The following MARK3 variants were observed in gnomAD, a reference collection of about 807,000 sequenced individuals.
MARK3 encodes microtubule affinity regulating kinase 3, also known as MAP/microtubule affinity-regulating kinase 3.
In MARK3, 46 loss-of-function variants were observed where a neutral mutation model predicts 90.1. That is an observed-to-expected ratio of 0.51 (90% CI 0.40 to 0.65). The LOEUF is 0.65. Among genes scored for constraint, MARK3 ranks in the 30% least tolerant of loss-of-function variants. The pLI, the probability that MARK3 is intolerant of heterozygous loss-of-function variation, is 0.00. For synonymous variants in MARK3, 321 were observed against 332.6 expected (o/e 0.97, Z 0.38); for missense variants, 818 against 947.2 (o/e 0.86, Z 1.79).
intron 3 of MARK3, among the ~76,000 whole-genome samples, chr14:103,446,650 A>G (rs1214572321): frequency 1.3e-5 from 2 of 150,368 alleles, no homozygotes; most frequent in African/African-American, 2.5e-5. Context: ...TCAGGGTTTC[A>G]TTCTCAGTGC....
chr14:103,409,299 G>T (rs569972311), intron 2 of MARK3, among the ~76,000 whole-genome samples: 5 of 151,970 alleles, frequency 3.3e-5, no homozygotes, highest in Admixed American at 2.6e-4. Flanking sequence ...GCCTGTCGGG[G>T]TGAGGGGCAA....
rs202196858 is a variant in MARK3 at position 103,457,123 on chromosome 14, T to G, written c.413-19T>G. On this transcript the variant is annotated intron_variant, in intron 5 of 17. Coordinates refer to ENST00000429436, the MANE Select transcript of MARK3 (RefSeq NM_001128918.3). ...TCAGAAGTAGGATTTCTACTTACTT[T>G]TATTTCTCTCACCTATAGGTGAAGT... 4 of 1,513,114 alleles carry G rather than the reference T, an allele frequency of 2.6e-6. No homozygotes were observed. The Admixed American group carries it at 7.0e-5, about 26-fold the overall frequency. The allele number at this position is 1,513,114 out of a possible 1,614,324, so 93.7% of individuals were successfully genotyped here.
At chr14:103,456,026 A>G (rs1391159968) in intron 5 of MARK3, among the ~76,000 whole-genome samples, 1 of 152,150 alleles carries the variant, frequency 6.6e-6, no homozygotes, top group Non-Finnish European at 1.5e-5. Flanking sequence ...TTTATTCTAC[A>G]TTGATAAGCA....
chr14:103,414,746 T>A (rs565732266), intron 2 of MARK3, among the ~76,000 whole-genome samples: 11 of 152,312 alleles, frequency 7.2e-5, no homozygotes, highest in African/African-American at 2.4e-4. Flanking sequence ...AACAGAGATG[T>A]AGAATTATAT....
At position 103,451,998 on chromosome 14, in the gene MARK3, A is replaced by T. The variant is rs1217514627; in HGVS notation, c.412+15A>T. 3 of 1,575,908 alleles carry T rather than the reference A, an allele frequency of 1.9e-6. No homozygotes were observed. Among genetic ancestry groups the T allele is most frequent in the Admixed American group, 3.4e-5 (2 of 58,580 alleles). ...TGCAAGTGGAGGTAAGAACATTTTT[A>T]TATATATTGGGTTTTTTTTCTTTCT... On this transcript the variant is annotated intron_variant, in intron 5 of 17. Transcript: ENST00000429436.
At chr14:103,477,959 A>G (rs892683999) in intron 13 of MARK3, among the ~76,000 whole-genome samples, 4 of 150,902 alleles carry the variant, frequency 2.7e-5, no homozygotes, top group African/African-American at 9.8e-5. Context: ...TGGTCACATC[A>G]CCATATTCCA....
rs1476430019 is a variant in MARK3, at chr14:103,449,981, GAAGA to G, written c.346+1020_346+1023del. 3.3e-5 allele frequency among the ~76,000 whole-genome samples: 5 copies of G among 152,128 alleles called. No individual in the cohort carries two copies. In the East Asian group the frequency reaches 7.7e-4, roughly 23 times the overall value. On this transcript the variant is annotated intron_variant, in intron 4 of 17. Coordinates refer to ENST00000429436, the MANE Select transcript of MARK3 (RefSeq NM_001128918.3). ...GAAGAGTAACACAGAACCACCACAG[GAAGA>G]AAGAAGCTTTTACAGAGAGCTGCTT...
intron 1 of MARK3, among the ~76,000 whole-genome samples, chr14:103,394,969 A>C (rs376076731): frequency 6.6e-6 from 1 of 151,826 alleles, no homozygotes; most frequent in African/African-American, 2.4e-5. Context: ...TTTTAGTAGA[A>C]ACGGGGTTTC....
chr14:103,494,515 G>A (rs568368448), intron 15 of MARK3, among the ~76,000 whole-genome samples: 2 of 122,026 alleles, frequency 1.6e-5, no homozygotes, highest in Non-Finnish European at 3.1e-5. Flanking sequence ...TTGCACTCCA[G>A]CCTGGGCAAC....
Position 103,480,480 on chromosome 14 carries a change from A to C in MARK3, c.1576A>C (p.Lys526Gln). ...TAGACACTCAGTGATTCAGAATGGCAAAGAAAACAGGTAGGAGATTCTACC... is the reference window on the plus strand; with the variant it reads ...TAGACACTCAGTGATTCAGAATGGCCAAGAAAACAGGTAGGAGATTCTACC... ...ADRHSVIQNG[K>Q]ENSTIPDQRT... The change falls in exon 14 of 18, where the codon AAA (lysine) becomes CAA (glutamine). Residue 526 changes from lysine (K) to glutamine (Q), a missense_variant. By Grantham distance (53) the Lys-to-Gln change is moderately conservative (BLOSUM62 1). Transcript: ENST00000429436. 1 of 1,606,354 alleles carries C rather than the reference A, an allele frequency of 6.2e-7. No homozygotes were observed.
At chr14:103,436,384 CTCTTTTCATCTTTT>C (rs1306241976) in intron 3 of MARK3, among the ~76,000 whole-genome samples, 50 of 150,828 alleles carry the variant, frequency 3.3e-4, no homozygotes, top group African/African-American at 1.2e-3. Context: ...CATTGAACAA[CTCTTTTCATCTTTT>C]TCTTTTCTTT....
At chr14:103,389,140 G>A (rs949819735) in intron 1 of MARK3, among the ~76,000 whole-genome samples, 3 of 151,916 alleles carry the variant, frequency 2.0e-5, no homozygotes, top group Non-Finnish European at 2.9e-5. Context: ...TGAGGCTGGC[G>A]GATCACGAGG....
intron 4 of MARK3, among the ~76,000 whole-genome samples, chr14:103,450,916 G>GTGTGTTTT (rs1358062005): frequency 1.7e-5 from 1 of 58,130 alleles, no homozygotes; most frequent in Admixed American, 2.2e-4. Context: ...GTGTGTGTGT[G>GTGTGTTTT]TATTCTTTTT....
At chr14:103,397,875 A>G (rs886333599) in intron 1 of MARK3, among the ~76,000 whole-genome samples, 8 of 152,102 alleles carry the variant, frequency 5.3e-5, no homozygotes, top group Non-Finnish European at 1.5e-5. Flanking sequence ...TCCATGTGAG[A>G]CTATCTTCTT....
intron 3 of MARK3, among the ~76,000 whole-genome samples, chr14:103,432,141 C>G (rs1195813655): frequency 4.3e-4 from 66 of 152,240 alleles, no homozygotes; most frequent in Non-Finnish European, 2.2e-4. Context: ...TTAAACAAGA[C>G]AAGAACAAGA....
chr14:103,414,630 A>G (rs1296352133), intron 2 of MARK3, among the ~76,000 whole-genome samples: 22 of 152,242 alleles, frequency 1.4e-4, no homozygotes. Flanking sequence ...GGGTTGTGGG[A>G]AGAGTGGCAT....
At chr14:103,491,044 C>T (rs2094007222) in intron 14 of MARK3, 7 of 1,288,428 alleles carry the variant, frequency 5.4e-6, no homozygotes, top group Non-Finnish European at 7.1e-6. Context: ...TCCATGTCAG[C>T]CTCTGGGCAC....
intron 14 of MARK3, among the ~76,000 whole-genome samples, chr14:103,486,362 C>G (rs1200829374): frequency 6.6e-6 from 1 of 151,896 alleles, no homozygotes; most frequent in Admixed American, 6.6e-5. Flanking sequence ...TGGTTTGAGC[C>G]TGGGAGATGG....
chr14:103,476,728 T>C (rs927937793), intron 13 of MARK3, among the ~76,000 whole-genome samples: 1 of 152,194 alleles, frequency 6.6e-6, no homozygotes, highest in African/African-American at 2.4e-5. Flanking sequence ...GGAGAAACCC[T>C]GTTGCTCTCT....
Sources: gnomAD v4.1 joint callset for allele counts (sites outside exome capture counted in the v4.1 genomes callset) on GRCh38, gnomAD v4.1.1 for gene constraint, MANE v1.5 for transcripts, NCBI Gene and HGNC (gene_info 2026-07-23, HGNC 2026-07-21) for gene names.